The following SLC1A2 variants were observed in gnomAD, a reference collection of about 807,000 sequenced individuals.
SLC1A2 encodes excitatory amino acid transporter 2.
SLC1A2 carries 15 observed loss-of-function variants against 48.8 expected under a neutral mutation model. The observed-to-expected ratio is 0.31, with a 90% CI of 0.21 to 0.47. The LOEUF (loss-of-function observed/expected upper bound fraction) is 0.47, where lower values mean the gene tolerates loss of function less well. Among genes scored for constraint, SLC1A2 ranks in the 20% least tolerant of loss-of-function variants. The pLI, the probability that SLC1A2 is intolerant of heterozygous loss-of-function variation, is 0.99. For missense variants in SLC1A2, 502 were observed against 730.5 expected (o/e 0.69, Z 3.61); for synonymous variants, 279 against 272.6 (o/e 1.02, Z -0.23).
intron 4 of SLC1A2, among the ~76,000 whole-genome samples, chr11:35,308,661 G>A (rs1010211712): frequency 6.6e-6 from 1 of 152,088 alleles, no homozygotes; most frequent in African/African-American, 2.4e-5. Context: ...TGAAAGCAGA[G>A]ACCTCATGGC....
chr11:35,278,111 G>A (rs1033708592), intron 9 of SLC1A2, among the ~76,000 whole-genome samples: 2 of 152,148 alleles, frequency 1.3e-5, no homozygotes, highest in Admixed American at 1.3e-4. Context: ...CAGAGACAGA[G>A]ATGAGGCTAT....
At position 35,355,708 on chromosome 11, in the gene SLC1A2, A is replaced by G. The variant is rs1425815371; in HGVS notation, c.18-38192T>C. On this transcript the variant is annotated intron_variant, in intron 1 of 10. Transcript: ENST00000278379. ...AAGACCAGCCTAGTCAACATGGTGA[A>G]ACCCCACCTCTACTAAAAATACAAA... Among the ~76,000 whole-genome samples, 8 of 152,274 alleles carry G rather than the reference A, an allele frequency of 5.3e-5. No homozygotes were observed. The South Asian group carries it at 1.7e-3, about 32-fold the overall frequency.
chr11:35,393,893 CT>C (rs2135248887), intron 1 of SLC1A2, among the ~76,000 whole-genome samples: 1 of 152,288 alleles, frequency 6.6e-6, no homozygotes, highest in South Asian at 2.1e-4. Flanking sequence ...TTCTTTCACC[CT>C]TTTCCTCTTC....
In SLC1A2 at chr11:35,407,650, A is replaced by G. The variant is rs146577658; in HGVS notation, c.17+11300T>C. Among the ~76,000 whole-genome samples the G allele has an allele frequency of 1.8e-3, 269 of 152,338 alleles. 4 individuals carry two copies. The highest frequency in any genetic ancestry group is 6.1e-3 in the African/African-American group (254 of 41,568). On this transcript the variant is annotated intron_variant, in intron 1 of 10. Transcript: ENST00000278379. ...GCTGACCCAGCTCTGGCAAAGGCCA[A>G]TGATGGCCTTGAAATTGACTAATCC...
At chr11:35,394,246 G>A (rs1032429078) in intron 1 of SLC1A2, among the ~76,000 whole-genome samples, 3 of 151,930 alleles carry the variant, frequency 2.0e-5, no homozygotes, top group South Asian at 2.1e-4. Context: ...TGTCTCCCAC[G>A]TGCCTTCAGC....
At chr11:35,352,889 G>A (rs1853314468) in intron 1 of SLC1A2, among the ~76,000 whole-genome samples, 2 of 152,188 alleles carry the variant, frequency 1.3e-5, no homozygotes, top group Admixed American at 1.3e-4. Context: ...ATGTGGTGGG[G>A]AAGCATGTGC....
chr11:35,403,374 C>T (rs917535605), intron 1 of SLC1A2, among the ~76,000 whole-genome samples: 1 of 152,242 alleles, frequency 6.6e-6, no homozygotes, highest in African/African-American at 2.4e-5. Context: ...ATGAAAGTAT[C>T]TCCTTATGAG....
chr11:35,413,796 T>C (rs1323897368), intron 1 of SLC1A2: 1 of 152,172 alleles, frequency 6.6e-6, no homozygotes, highest in African/African-American at 2.4e-5. Flanking sequence ...GGCTGGGAAC[T>C]TGGGATGGCA....
At chr11:35,302,783 C>T (rs1851393191) in intron 5 of SLC1A2, among the ~76,000 whole-genome samples, 1 of 151,490 alleles carries the variant, frequency 6.6e-6, no homozygotes, top group African/African-American at 2.4e-5. Context: ...GGGACTGGGG[C>T]ACATTGTGCG....
chr11:35,326,939 T>C (rs1383019392), intron 1 of SLC1A2, among the ~76,000 whole-genome samples: 2 of 152,072 alleles, frequency 1.3e-5, no homozygotes, highest in Non-Finnish European at 2.9e-5. Context: ...TCCCCCAAAA[T>C]AGAATTGTCT....
rs565666656 is a variant in SLC1A2, at chr11:35,296,717, T to C, written c.858-4197A>G. Among the ~76,000 whole-genome samples the C allele has an allele frequency of 1.4e-4, 21 of 152,262 alleles. 1 individual carries two copies. In the East Asian group the frequency reaches 3.3e-3, roughly 24 times the overall value. ...GCCACTTCTTCCTCTTGGAATATTC[T>C]CCCCTCAGTTCTTCACCAGGTTGCT... On this transcript the variant is annotated intron_variant, in intron 6 of 10. Coordinates refer to ENST00000278379, the MANE Select transcript of SLC1A2 (RefSeq NM_004171.4).
At chr11:35,387,630 A>G (rs1455684422) in intron 1 of SLC1A2, among the ~76,000 whole-genome samples, 2 of 152,174 alleles carry the variant, frequency 1.3e-5, no homozygotes, top group Non-Finnish European at 2.9e-5. Context: ...TGTCTGGGCC[A>G]TTTTTTTGTG....
At chr11:35,302,738 A>T (rs1485775612) in intron 5 of SLC1A2, among the ~76,000 whole-genome samples, 1 of 151,428 alleles carries the variant, frequency 6.6e-6, no homozygotes, top group East Asian at 1.9e-4. Flanking sequence ...TCGGTACCTC[A>T]CGCTCAGGCC....
rs3812779 is a variant in SLC1A2, at chr11:35,254,932, G to A, written c.*5962C>T. ...AGTAGTTATTCAGGATATTATTTAG[G>A]ATAAATGAAATAGGAACTTAGGGGC... On this transcript the variant is annotated 3_prime_UTR_variant, in exon 11 of 11. Transcript: ENST00000278379. The A allele has an allele frequency of 5.3e-4, 184 of 344,950 alleles. 3 individuals carry two copies. In the East Asian group the frequency reaches 0.01, roughly 19 times the overall value. 21.4% of individuals were successfully genotyped at this position (344,950 alleles called of 1,614,324 possible).
chr11:35,342,755 C>T (rs895776695), intron 1 of SLC1A2, among the ~76,000 whole-genome samples: 1 of 151,950 alleles, frequency 6.6e-6, no homozygotes, highest in Non-Finnish European at 1.5e-5. Flanking sequence ...CCCTGCACTC[C>T]AGCCTGGGCG....
upstream of SLC1A2, chr11:35,419,952 T>TG (rs143744148): frequency 7.7e-3 from 3,608 of 469,806 alleles, 112 homozygotes; most frequent in African/African-American, 0.066. This position sits in a 1 kb window ranked among gnomAD's most constrained non-coding sequence, Gnocchi z 5.4. Context: ...CTCCCACGTC[T>TG]GGGGGTCCCA....
chr11:35,357,238 C>T (rs1253512238), intron 1 of SLC1A2, among the ~76,000 whole-genome samples: 2 of 147,748 alleles, frequency 1.4e-5, no homozygotes, highest in Admixed American at 6.8e-5. Flanking sequence ...GCCTGGGCAA[C>T]TGAGCGAGAC....
At chr11:35,382,945 C>T (rs1854478470) in intron 1 of SLC1A2, among the ~76,000 whole-genome samples, 1 of 152,072 alleles carries the variant, frequency 6.6e-6, no homozygotes, top group Admixed American at 6.5e-5. Flanking sequence ...CCTGCTTTTC[C>T]TACCTGCACG....
intron 1 of SLC1A2, among the ~76,000 whole-genome samples, chr11:35,409,510 T>G (rs984105085): frequency 6.6e-6 from 1 of 152,198 alleles, no homozygotes; most frequent in African/African-American, 2.4e-5. Context: ...TAGCAGGACT[T>G]TCAGATAACC....
Sources: allele counts gnomAD v4.1 joint callset (sites outside exome capture counted in the v4.1 genomes callset), GRCh38; gene constraint gnomAD v4.1.1; non-coding constraint Gnocchi (gnomAD v3.1); transcripts MANE v1.5; gene names NCBI Gene and HGNC (gene_info 2026-07-23, HGNC 2026-07-21).